NRXN3: variants seen among roughly 807,000 people sequenced by gnomAD.
NRXN3 encodes neurexin 3, also known as neurexin III.
Under a neutral mutation model 137.6 loss-of-function variants are expected in NRXN3, and 32 were observed. The ratio of observed to expected loss-of-function variants is 0.23; its 90% CI spans 0.18 to 0.31. The LOEUF (loss-of-function observed/expected upper bound fraction) is 0.31. NRXN3 is among the 10% of genes least tolerant of loss of function. The pLI is 1.00. For synonymous variants in NRXN3, 798 were observed against 784.5 expected, an observed-to-expected ratio of 1.02 and a Z score of -0.29; for missense variants, 1,574 against 2,062.5, an observed-to-expected ratio of 0.76 and a Z score of 4.59.
chr14:78,677,322 T>G (rs1251497571), intron 6 of NRXN3, among the ~76,000 whole-genome samples: 1 of 152,016 alleles, frequency 6.6e-6, no homozygotes, highest in Non-Finnish European at 1.5e-5. Flanking sequence ...CCAGCTCTCA[T>G]GGATGACTTT....
At chr14:79,780,807 A>G (rs1372363850) in intron 19 of NRXN3, among the ~76,000 whole-genome samples, 2 of 152,166 alleles carry the variant, frequency 1.3e-5, no homozygotes, top group African/African-American at 4.8e-5. Flanking sequence ...CTATCATTCA[A>G]CTACCATCGT....
intron 8 of NRXN3, among the ~76,000 whole-genome samples, chr14:78,739,664 G>T (rs1190103442): frequency 1.3e-5 from 2 of 152,050 alleles, no homozygotes; most frequent in Admixed American, 1.3e-4. Context: ...TAGAGATGGG[G>T]TTTCGCTATG....
chr14:79,208,997 G>A (rs2067223840), intron 15 of NRXN3, among the ~76,000 whole-genome samples: 1 of 152,142 alleles, frequency 6.6e-6, no homozygotes, highest in South Asian at 2.1e-4. Flanking sequence ...GGAGTGCAGT[G>A]GTGTGATCTT....
Position 78,587,728 on chromosome 14 carries a change from G to T in NRXN3, c.758-57392G>T, listed in dbSNP as rs56813549. Among the ~76,000 whole-genome samples, 679 of 152,140 alleles carry T rather than the reference G, an allele frequency of 4.5e-3. 19 individuals are homozygous for T. The East Asian group carries it at 0.091, about 20-fold the overall frequency. ...CTCCCATTTTCTTAAAAATTTTGTA[G>T]GATATCAACCATTTTAAACTTTTTC... On this transcript the variant is annotated intron_variant, in intron 4 of 20. Coordinates refer to ENST00000335750, the MANE Select transcript of NRXN3 (RefSeq NM_001330195.2).
intron 20 of NRXN3, among the ~76,000 whole-genome samples, chr14:79,822,545 A>G (rs2242646): frequency 0.57 from 85,931 of 151,898 alleles, 24,376 homozygotes; most frequent in South Asian, 0.64. Flanking sequence ...GAAAACAAAC[A>G]TCCGAAAAAG....
chr14:78,845,294 T>A (rs1466182563), intron 10 of NRXN3, among the ~76,000 whole-genome samples: 1 of 152,100 alleles, frequency 6.6e-6, no homozygotes, highest in Non-Finnish European at 1.5e-5. Flanking sequence ...ATTTTACAGT[T>A]TTTTATATGA....
intron 20 of NRXN3, among the ~76,000 whole-genome samples, chr14:79,821,338 C>T (rs2099271819): frequency 6.6e-6 from 1 of 152,134 alleles, no homozygotes; most frequent in African/African-American, 2.4e-5. Flanking sequence ...TCCCCAGGGG[C>T]CAGCTGCATA....
At chr14:78,633,772 T>G (rs17107968) in intron 4 of NRXN3, among the ~76,000 whole-genome samples, 18,524 of 152,256 alleles carry the variant, frequency 0.12, 1,883 homozygotes, top group African/African-American at 0.28. Flanking sequence ...CATTGAAAGC[T>G]TTAAGAGTAC....
chr14:79,145,479 A>G (rs1318394236), intron 15 of NRXN3, among the ~76,000 whole-genome samples: 1 of 152,098 alleles, frequency 6.6e-6, no homozygotes, highest in African/African-American at 2.4e-5. Context: ...ACTGTTATAA[A>G]TGTTGGGATC....
rs141899433 is a variant in NRXN3, at chr14:79,469,595, CT to C, written c.3444+2194del. On this transcript the variant is annotated intron_variant, in intron 16 of 20. Transcript: ENST00000335750. ...TTTATATCAAAATGTAAAGAGCCCC[CT>C]GGGATACTGTAGACACTTGGGTGAT... Among the ~76,000 whole-genome samples the C allele has an allele frequency of 0.015, 2,325 of 152,248 alleles. 101 individuals carry two copies. In the East Asian group the frequency reaches 0.17, roughly 11 times the overall value.
intron 4 of NRXN3, among the ~76,000 whole-genome samples, chr14:78,451,605 A>G (rs1444258431): frequency 6.6e-6 from 1 of 152,220 alleles, no homozygotes; most frequent in African/African-American, 2.4e-5. Context: ...TAGCCATAGC[A>G]TACATACATG....
At chr14:78,853,038 A>G (rs1160314477) in intron 10 of NRXN3, among the ~76,000 whole-genome samples, 1 of 152,142 alleles carries the variant, frequency 6.6e-6, no homozygotes, top group Non-Finnish European at 1.5e-5. Flanking sequence ...TTATGGCTGA[A>G]TAGTACTCCA....
intron 6 of NRXN3, among the ~76,000 whole-genome samples, chr14:78,675,787 T>C (rs2097997872): frequency 6.6e-6 from 1 of 152,198 alleles, no homozygotes; most frequent in African/African-American, 2.4e-5. Flanking sequence ...TCTTGCACTT[T>C]TGAGTTATTG....
At chr14:79,604,813 C>T (rs1345007283) in intron 16 of NRXN3, among the ~76,000 whole-genome samples, 1 of 151,924 alleles carries the variant, frequency 6.6e-6, no homozygotes, top group Non-Finnish European at 1.5e-5. Context: ...GGGCGGATCA[C>T]TTGAGGTCAG....
intron 15 of NRXN3, among the ~76,000 whole-genome samples, chr14:79,036,388 G>T (rs1042254868): frequency 7.9e-5 from 12 of 151,908 alleles, no homozygotes; most frequent in Admixed American, 7.9e-4. Flanking sequence ...CTTCACCATG[G>T]TGCTGGTGTA....
chr14:78,315,213 G>A (rs1224384403), intron 4 of NRXN3, among the ~76,000 whole-genome samples: 1 of 151,730 alleles, frequency 6.6e-6, no homozygotes, highest in Non-Finnish European at 1.5e-5. Context: ...GGCTGGTTTT[G>A]AACTCTTGAC....
chr14:79,785,111 G>A (rs1033112654), intron 19 of NRXN3, among the ~76,000 whole-genome samples: 10 of 152,110 alleles, frequency 6.6e-5, no homozygotes, highest in African/African-American at 2.4e-5. Context: ...GGCCTCATTC[G>A]GCTGAGATTT....
intron 4 of NRXN3, among the ~76,000 whole-genome samples, chr14:78,329,068 A>G (rs2080465277): frequency 6.6e-6 from 1 of 152,182 alleles, no homozygotes; most frequent in Admixed American, 6.6e-5. Context: ...GAAATAGTGT[A>G]TTTGGCAGGG....
chr14:78,967,053 T>G (rs772354661), intron 12 of NRXN3, among the ~76,000 whole-genome samples, 155 bp from the exon 13 acceptor site: 4 of 152,214 alleles, frequency 2.6e-5, no homozygotes, highest in Non-Finnish European at 5.9e-5. Flanking sequence ...AAAATCTGAC[T>G]ATTCTTGTAA....
Sources: allele counts gnomAD v4.1 joint callset (sites outside exome capture counted in the v4.1 genomes callset), GRCh38; gene constraint gnomAD v4.1.1; transcripts MANE v1.5; gene names NCBI Gene and HGNC (gene_info 2026-07-23, HGNC 2026-07-21).